REC114: variants seen among roughly 807,000 people sequenced by gnomAD.
REC114 encodes the protein meiotic recombination protein REC114.
REC114 carries 27 observed loss-of-function variants against 31.3 expected under a neutral mutation model. That is an observed-to-expected ratio of 0.86 (90% CI 0.64 to 1.19). The LOEUF (loss-of-function observed/expected upper bound fraction) is 1.19. REC114 is among the 50% of genes most tolerant of loss of function. REC114 has a pLI of 0.00. For missense variants in REC114, 344 were observed against 326.9 expected (o/e 1.05, Z -0.40); for synonymous variants, 134 against 127.7 (o/e 1.05, Z -0.33).
At chr15:73,447,031 G>A (rs1892774137) in intron 1 of REC114, among the ~76,000 whole-genome samples, 1 of 152,190 alleles carries the variant, frequency 6.6e-6, no homozygotes, top group South Asian at 2.1e-4. Flanking sequence ...ATATTTTGGA[G>A]ACCAAAATGA....
chr15:73,497,023 A>G (rs1196727055), intron 2 of REC114, among the ~76,000 whole-genome samples: 1 of 151,720 alleles, frequency 6.6e-6, no homozygotes, highest in Non-Finnish European at 1.5e-5. Flanking sequence ...TGTTCAGTTC[A>G]TTATCTCAGG....
Position 73,473,884 on chromosome 15 carries a change from C to G in REC114, c.212C>G (p.Ser71Ter). 6.3e-7 allele frequency: 1 copy of G among 1,587,616 alleles called. No homozygotes were observed. Among genetic ancestry groups the G allele is most frequent in the Non-Finnish European group, 8.6e-7 (1 of 1,164,538 alleles). ...SGYLVLTIVI[S>*]GHFFIFQGQT... Reference sequence around the variant, plus strand: ...TATCTTGTTCTCACCATAGTTATATCAGGTCATTTCTTCATTTTCCAAGGA... The same window carrying G: ...TATCTTGTTCTCACCATAGTTATATGAGGTCATTTCTTCATTTTCCAAGGA... Residue 71 changes from serine to a stop codon, truncating the protein, a stop_gained, in exon 2 of 6, where the codon TCA (serine) becomes TGA (stop). Coordinates refer to ENST00000331090, the MANE Select transcript of REC114 (RefSeq NM_001042367.2). LOFTEE classifies it high-confidence loss of function.
chr15:73,529,949 A>G (rs967025017), intron 2 of REC114, among the ~76,000 whole-genome samples: 1 of 152,238 alleles, frequency 6.6e-6, no homozygotes, highest in Non-Finnish European at 1.5e-5. Flanking sequence ...TTTCTAGATG[A>G]TAAAAATTGT....
chr15:73,485,187 G>A (rs759351461), intron 2 of REC114, among the ~76,000 whole-genome samples: 2 of 152,118 alleles, frequency 1.3e-5, no homozygotes, highest in Non-Finnish European at 2.9e-5. Context: ...AGGTTCAAGC[G>A]ATTCTCCTGC....
chr15:73,456,129 T>G (rs1892911908), intron 1 of REC114, among the ~76,000 whole-genome samples: 1 of 152,208 alleles, frequency 6.6e-6, no homozygotes, highest in Admixed American at 6.5e-5. Context: ...GTTCCTTAGA[T>G]CTGTTGGCTC....
At position 73,543,191 on chromosome 15, in the gene REC114, C is replaced by A. The variant is rs529838609; in HGVS notation, c.333+2623C>A. Among the ~76,000 whole-genome samples, 8 of 152,228 alleles carry A rather than the reference C, an allele frequency of 5.3e-5. No individual in the cohort carries two copies. The East Asian group carries it at 1.5e-3, about 29-fold the overall frequency. ...TATTTCTTCTGTTAATCACCTGCTT[C>A]TTTTGCCTAGTTTTTCTCTTCTTCA... On this transcript the variant is annotated intron_variant, in intron 3 of 5. Coordinates refer to ENST00000331090, the MANE Select transcript of REC114 (RefSeq NM_001042367.2).
chr15:73,461,599 C>G (rs1208451664), intron 1 of REC114, among the ~76,000 whole-genome samples: 3 of 152,042 alleles, frequency 2.0e-5, no homozygotes, highest in Non-Finnish European at 2.9e-5. Flanking sequence ...TCTTATAGTA[C>G]TGACTTGCAC....
chr15:73,458,446 T>TCATGCTAC (rs1392307008), intron 1 of REC114, among the ~76,000 whole-genome samples: 1 of 152,232 alleles, frequency 6.6e-6, no homozygotes, highest in East Asian at 1.9e-4. Flanking sequence ...CATCAAGAGT[T>TCATGCTAC]ATTATCCTTT....
At chr15:73,495,355 G>A (rs537422284) in intron 2 of REC114, among the ~76,000 whole-genome samples, 38 of 151,340 alleles carry the variant, frequency 2.5e-4, no homozygotes, top group African/African-American at 7.5e-4. Context: ...GTACCTCTTC[G>A]GGGCTAAGTT....
At chr15:73,518,331 G>T (rs1288645245) in intron 2 of REC114, among the ~76,000 whole-genome samples, 4 of 152,130 alleles carry the variant, frequency 2.6e-5, no homozygotes, top group African/African-American at 4.8e-5. Flanking sequence ...AACCAATATT[G>T]TTAGCTGTGT....
intron 2 of REC114, among the ~76,000 whole-genome samples, chr15:73,489,967 T>C (rs1164143762): frequency 2.0e-5 from 3 of 152,180 alleles, no homozygotes; most frequent in Non-Finnish European, 2.9e-5. Context: ...GTGGAATCTT[T>C]TGAGAGTGAG....
At chr15:73,485,241 G>A (rs777211405) in intron 2 of REC114, among the ~76,000 whole-genome samples, 10 of 152,118 alleles carry the variant, frequency 6.6e-5, no homozygotes, top group Non-Finnish European at 1.0e-4. Flanking sequence ...GCGCCACTAC[G>A]CCCAGCTAAG....
chr15:73,473,194 G>A (rs1027120452), intron 1 of REC114, among the ~76,000 whole-genome samples: 1 of 152,128 alleles, frequency 6.6e-6, no homozygotes, highest in African/African-American at 2.4e-5. Flanking sequence ...TTCGAGACCA[G>A]CCTGACGAAC....
intron 1 of REC114, among the ~76,000 whole-genome samples, chr15:73,448,312 G>GA (rs1383836066): frequency 6.6e-6 from 1 of 152,140 alleles, no homozygotes; most frequent in African/African-American, 2.4e-5. Context: ...TCTTGGTGGG[G>GA]GGAAGGGCAT....
chr15:73,461,922 CTTTTTTTTTTTTT>C (rs961387922), intron 1 of REC114, among the ~76,000 whole-genome samples: 12 of 78,212 alleles, frequency 1.5e-4, no homozygotes, highest in Admixed American at 9.7e-4. Flanking sequence ...TTTTTCTTTT[CTTTTTTTTTTTTT>C]TTTTTTTTTT....
intron 1 of REC114, among the ~76,000 whole-genome samples, chr15:73,447,829 C>T (rs1892788753): frequency 6.6e-6 from 1 of 152,064 alleles, no homozygotes; most frequent in Admixed American, 6.6e-5. Context: ...ACAGTGGGTG[C>T]AGGCCATGGG....
At chr15:73,469,432 G>A (rs1351903009) in intron 1 of REC114, among the ~76,000 whole-genome samples, 2 of 151,572 alleles carry the variant, frequency 1.3e-5, no homozygotes, top group Non-Finnish European at 2.9e-5. Context: ...TATCTTTTTA[G>A]TGAAAGAGTC....
At chr15:73,445,666 G>A (rs1892754414) in intron 1 of REC114, among the ~76,000 whole-genome samples, 1 of 152,132 alleles carries the variant, frequency 6.6e-6, no homozygotes, top group Non-Finnish European at 1.5e-5. Flanking sequence ...ATATTGTTGT[G>A]TCTCAGAATA....
intron 3 of REC114, among the ~76,000 whole-genome samples, chr15:73,546,126 A>G (rs1387335853): frequency 6.6e-6 from 1 of 152,226 alleles, no homozygotes; most frequent in Non-Finnish European, 1.5e-5. Context: ...AAAAATACAA[A>G]TGACCAATAA....
Sources: allele counts gnomAD v4.1 joint callset (sites outside exome capture counted in the v4.1 genomes callset), GRCh38; gene constraint gnomAD v4.1.1; transcripts MANE v1.5; gene names NCBI Gene and HGNC (gene_info 2026-07-23, HGNC 2026-07-21).